Variants in RGS7 observed in about 807,000 individuals in gnomAD.
RGS7 encodes regulator of G-protein signaling 7.
RGS7 carries 27 observed loss-of-function variants against 81.1 expected under a neutral mutation model. That is an observed-to-expected ratio of 0.33 (90% CI 0.25 to 0.46). The LOEUF (loss-of-function observed/expected upper bound fraction) is 0.46, where lower values mean the gene tolerates loss of function less well. Ranked by LOEUF, RGS7 falls within the 20% of genes least tolerant of loss-of-function variation. The pLI is 1.00. For missense variants in RGS7, 396 were observed against 607.4 expected (o/e 0.65, Z 3.66); for synonymous variants, 208 against 207.7 (o/e 1.00, Z -0.01).
chr1:240,947,631 C>T (rs530878672), intron 4 of RGS7, among the ~76,000 whole-genome samples: 1 of 152,188 alleles, frequency 6.6e-6, no homozygotes, highest in Non-Finnish European at 1.5e-5. Flanking sequence ...CCTCCACCAC[C>T]CCAGTCCAAC....
At chr1:240,971,858 C>T (rs1683253649) in intron 4 of RGS7, among the ~76,000 whole-genome samples, 1 of 151,958 alleles carries the variant, frequency 6.6e-6, no homozygotes, top group African/African-American at 2.4e-5. Context: ...GCTCAGTGGA[C>T]AATAAAATAT....
At chr1:241,326,596 C>T (rs2081507999) in intron 2 of RGS7, among the ~76,000 whole-genome samples, 2 of 150,020 alleles carry the variant, frequency 1.3e-5, no homozygotes, top group African/African-American at 2.4e-5. Context: ...ATTAGAAAGA[C>T]ACATTAAATG....
intron 4 of RGS7, among the ~76,000 whole-genome samples, chr1:240,976,834 T>C (rs1308956282): frequency 7.0e-6 from 1 of 143,020 alleles, no homozygotes; most frequent in Non-Finnish European, 1.5e-5. Flanking sequence ...CATCTACCTA[T>C]CATTTATCTA....
chr1:240,823,033 T>C, intron 10 of RGS7: 1 of 592,452 alleles, frequency 1.7e-6, no homozygotes, highest in Middle Eastern at 5.0e-4. Context: ...TTTCAAATGT[T>C]CTGGTAAATC....
In RGS7 at chr1:240,870,132, T is replaced by C. The variant is rs753774391; in HGVS notation, c.386-13A>G. 6.2e-7 allele frequency: 1 copy of C among 1,610,150 alleles called. No individual in the cohort carries two copies. The highest frequency in any genetic ancestry group is 8.5e-7 in the Non-Finnish European group (1 of 1,176,470). On this transcript the variant is annotated splice_polypyrimidine_tract_variant and intron_variant, in intron 6 of 18. Transcript: ENST00000440928. ...CAGAGGTAAACGGCTGAAAAAAAAA[T>C]CAATCATTTCTTGCCTGCTTATCAA...
intron 3 of RGS7, among the ~76,000 whole-genome samples, chr1:241,069,341 TA>T (rs774059162): frequency 6.6e-6 from 1 of 152,164 alleles, no homozygotes; most frequent in Non-Finnish European, 1.5e-5. Flanking sequence ...ATCCCGAATT[TA>T]AAAGCATTTT....
At chr1:241,148,409 G>A (rs546557796) in intron 2 of RGS7, among the ~76,000 whole-genome samples, 8 of 152,198 alleles carry the variant, frequency 5.3e-5, no homozygotes, top group South Asian at 4.2e-4. Context: ...TGGTTCTGCT[G>A]AAAACTGTGG....
chr1:240,986,027 G>A (rs909064802), intron 3 of RGS7, among the ~76,000 whole-genome samples: 3 of 151,708 alleles, frequency 2.0e-5, no homozygotes, highest in Non-Finnish European at 2.9e-5. Flanking sequence ...CACATATAAT[G>A]TATATGTAGA....
intron 2 of RGS7, among the ~76,000 whole-genome samples, chr1:241,171,793 C>A (rs1245207959): frequency 6.6e-6 from 1 of 152,212 alleles, no homozygotes; most frequent in Non-Finnish European, 1.5e-5. Context: ...TAACCAGATA[C>A]TTTAAATGAC....
intron 1 of RGS7, among the ~76,000 whole-genome samples, chr1:241,356,668 C>T (rs1032438405): frequency 5.9e-5 from 9 of 151,878 alleles, no homozygotes; most frequent in African/African-American, 1.9e-4. Flanking sequence ...AAATGGCAGG[C>T]GAGCCTGTGC....
intron 2 of RGS7, among the ~76,000 whole-genome samples, chr1:241,298,665 A>G (rs1209081432): frequency 6.6e-6 from 1 of 152,204 alleles, no homozygotes; most frequent in Admixed American, 6.5e-5. Flanking sequence ...TCTGGAGCCT[A>G]CAGAGTAGAC....
intron 3 of RGS7, among the ~76,000 whole-genome samples, chr1:241,048,438 A>C (rs1184483392): frequency 6.6e-6 from 1 of 152,172 alleles, no homozygotes; most frequent in East Asian, 1.9e-4. Flanking sequence ...AGCCAGCATA[A>C]ATCTGGGGAG....
intron 3 of RGS7, among the ~76,000 whole-genome samples, chr1:240,997,440 T>G (rs544202722): frequency 2.0e-5 from 3 of 152,212 alleles, no homozygotes; most frequent in Non-Finnish European, 4.4e-5. Context: ...CTCTCCCCAA[T>G]TTTTAATGTT....
chr1:241,115,482 A>T (rs2065828210), intron 2 of RGS7, among the ~76,000 whole-genome samples: 1 of 152,160 alleles, frequency 6.6e-6, no homozygotes, highest in Non-Finnish European at 1.5e-5. Context: ...TTTTTTCAAA[A>T]ATCCACTCGT....
chr1:241,077,929 A>C (rs2062894698), intron 3 of RGS7, among the ~76,000 whole-genome samples: 2 of 152,262 alleles, frequency 1.3e-5, no homozygotes, highest in African/African-American at 4.8e-5. Flanking sequence ...ACAGGAAAGA[A>C]CTCAGATTAT....
At chr1:241,287,022 A>G (rs1199290385) in intron 2 of RGS7, among the ~76,000 whole-genome samples, 1 of 152,254 alleles carries the variant, frequency 6.6e-6, no homozygotes, top group Non-Finnish European at 1.5e-5. Context: ...TGCAGTATTT[A>G]AAAAGCCCAT....
chr1:241,010,867 C>T, intron 3 of RGS7, among the ~76,000 whole-genome samples: 1 of 152,116 alleles, frequency 6.6e-6, no homozygotes, highest in East Asian at 1.9e-4. Flanking sequence ...TTGATCCTCT[C>T]ATCAGAAAGG....
intron 2 of RGS7, among the ~76,000 whole-genome samples, chr1:241,305,316 GT>G (rs2080021991): frequency 1.3e-5 from 2 of 152,186 alleles, no homozygotes; most frequent in African/African-American, 4.8e-5. Context: ...TGAATCTCCA[GT>G]TTCTAGATGG....
chr1:240,799,532 T>C (rs547872771), intron 18 of RGS7, among the ~76,000 whole-genome samples: 2 of 152,228 alleles, frequency 1.3e-5, no homozygotes, highest in South Asian at 2.1e-4. Flanking sequence ...ACATTTTGTC[T>C]ATACCATTGG....
Sources: allele counts gnomAD v4.1 joint callset (sites outside exome capture counted in the v4.1 genomes callset), GRCh38; gene constraint gnomAD v4.1.1; transcripts MANE v1.5; gene names NCBI Gene and HGNC (gene_info 2026-07-23, HGNC 2026-07-21).